The following SLC24A4 variants were observed in gnomAD, a reference collection of about 807,000 sequenced individuals.
SLC24A4 encodes sodium/potassium/calcium exchanger 4.
Under a neutral mutation model 79.0 loss-of-function variants are expected in SLC24A4, and 53 were observed. The ratio of observed to expected loss-of-function variants is 0.67; its 90% CI spans 0.54 to 0.84. The LOEUF (loss-of-function observed/expected upper bound fraction) is 0.84, where lower values mean the gene tolerates loss of function less well. Ranked by LOEUF, SLC24A4 falls within the 40% of genes least tolerant of loss-of-function variation. SLC24A4 has a pLI of 0.00. For missense variants in SLC24A4, 731 were observed against 822.0 expected, an observed-to-expected ratio of 0.89 and a Z score of 1.35; for synonymous variants, 323 against 323.8, an observed-to-expected ratio of 1.00 and a Z score of 0.03.
At chr14:92,483,385 C>T (rs941946292) in intron 13 of SLC24A4, among the ~76,000 whole-genome samples, 8 of 152,164 alleles carry the variant, frequency 5.3e-5, no homozygotes, top group Non-Finnish European at 1.0e-4. Flanking sequence ...TGGGGGAAAT[C>T]GAGGCATAGA....
Position 92,456,618 on chromosome 14 carries a change from G to A in SLC24A4, c.1255+10G>A, listed in dbSNP as rs753927626. 3 of 1,612,150 alleles carry A rather than the reference G, an allele frequency of 1.9e-6. No homozygotes were observed. The highest frequency in any genetic ancestry group is 2.5e-6 in the Non-Finnish European group (3 of 1,179,442). ...CCCTTCTCCGTGCCGGGTGAGTTCT[G>A]GGGGTACTGGACTCTCGGGCTACAT... On this transcript the variant is annotated intron_variant, in intron 12 of 16. Coordinates refer to ENST00000532405, the MANE Select transcript of SLC24A4 (RefSeq NM_153646.4).
intron 2 of SLC24A4, among the ~76,000 whole-genome samples, chr14:92,389,553 C>T (rs1044512776): frequency 3.9e-5 from 6 of 152,178 alleles, no homozygotes; most frequent in Non-Finnish European, 8.8e-5. Flanking sequence ...CTGAACCTCT[C>T]CCTGGGGCTT....
intron 12 of SLC24A4, among the ~76,000 whole-genome samples, chr14:92,473,267 C>G (rs1894534214): frequency 6.6e-6 from 1 of 152,184 alleles, no homozygotes; most frequent in Non-Finnish European, 1.5e-5. Flanking sequence ...TGCTAGGACT[C>G]AGAAATCTGT....
At chr14:92,456,022 T>C (rs12894551) in intron 11 of SLC24A4, among the ~76,000 whole-genome samples, 97,040 of 152,038 alleles carry the variant, frequency 0.64, 31,121 homozygotes, top group Middle Eastern at 0.68. Context: ...TTTTGTATAA[T>C]GTACCTAAAA....
At chr14:92,483,236 G>A (rs1331107619) in intron 13 of SLC24A4, among the ~76,000 whole-genome samples, 3 of 152,114 alleles carry the variant, frequency 2.0e-5, no homozygotes, top group Admixed American at 2.0e-4. Context: ...TGAACACAAG[G>A]CAGCTTGTTC....
chr14:92,326,542 G>T (rs1689396315), intron 2 of SLC24A4, among the ~76,000 whole-genome samples: 1 of 152,144 alleles, frequency 6.6e-6, no homozygotes, highest in Non-Finnish European at 1.5e-5. Context: ...TTTTCTTGGG[G>T]GTTTGAGGCA....
intron 13 of SLC24A4, chr14:92,484,773 G>A: frequency 1.0e-6 from 1 of 985,358 alleles, no homozygotes; most frequent in South Asian, 4.7e-5. Context: ...GCCCAAAACA[G>A]TTTGGTTAGA....
In SLC24A4 at chr14:92,329,787, G is replaced by A. The variant is rs111780270; in HGVS notation, c.241+3809G>A. 7.0e-3 allele frequency among the ~76,000 whole-genome samples: 1,073 copies of A among 152,342 alleles called. 12 individuals carry two copies. The highest frequency in any genetic ancestry group is 0.025 in the African/African-American group (1,025 of 41,578). ...CTCCCAAAGTGCCAGGATTACAGGC[G>A]TGGGCCACCGTGCCCTCCTCCCTAT... On this transcript the variant is annotated intron_variant, in intron 2 of 16. Transcript: ENST00000532405.
chr14:92,423,334 G>A (rs1293255135), intron 2 of SLC24A4, among the ~76,000 whole-genome samples: 5 of 151,316 alleles, frequency 3.3e-5, no homozygotes, highest in African/African-American at 7.3e-5. Context: ...TAGTAGAGAC[G>A]GGGTTTTGCC....
chr14:92,335,336 TTTTTTGTTTTTG>T (rs57448091), intron 2 of SLC24A4, among the ~76,000 whole-genome samples: 61 of 151,262 alleles, frequency 4.0e-4, no homozygotes, highest in Middle Eastern at 6.8e-3. Context: ...CATGCCATGT[TTTTTTGTTTTTG>T]TTTTTGTTTT....
Position 92,353,352 on chromosome 14 carries a change from T to C in SLC24A4, c.241+27374T>C, listed in dbSNP as rs79213352. 0.13 allele frequency among the ~76,000 whole-genome samples: 19,405 copies of C among 152,268 alleles called. 1,307 individuals carry two copies. The highest frequency in any genetic ancestry group is 0.15 in the Admixed American group (2,246 of 15,294). ...ATCTATTTAACTCATTCCCTAATGA[T>C]GTATATGCATTTAGTTTATTGTTGT... On this transcript the variant is annotated intron_variant, in intron 2 of 16. Transcript: ENST00000532405. This position sits in a 1 kb window ranked among gnomAD's most constrained non-coding sequence, Gnocchi z 4.1.
At chr14:92,461,076 A>G (rs1343927326) in intron 12 of SLC24A4, among the ~76,000 whole-genome samples, 2 of 152,208 alleles carry the variant, frequency 1.3e-5, no homozygotes, top group Non-Finnish European at 2.9e-5. Context: ...ACGGTCGGCA[A>G]TGACCCTGAG....
chr14:92,483,750 T>C, intron 13 of SLC24A4: 1 of 1,290,028 alleles, frequency 7.8e-7, no homozygotes, highest in Non-Finnish European at 1.0e-6. Context: ...GGGAAGCAGT[T>C]CCAGCATGGC....
chr14:92,492,225 C>G lies in SLC24A4; in HGVS notation c.1701C>G (p.Gly567=). 2.5e-6 allele frequency: 4 copies of G among 1,614,102 alleles called. No homozygotes were observed. Among genetic ancestry groups the G allele is most frequent in the Non-Finnish European group, 3.4e-6 (4 of 1,179,988 alleles). ...TCTATTCCGTGGTCCTGTTGCTGGGCTCTGTCGCTCTCACCGTGAGTCTTT... is the reference window on the plus strand; with the variant it reads ...TCTATTCCGTGGTCCTGTTGCTGGGGTCTGTCGCTCTCACCGTGAGTCTTT... The part of the protein sequence containing the change: ...GLVYSVVLLL[G]SVALTVLGIH... The change falls in exon 16 of 17, where the codon GGC becomes GGG. Residue 567 remains glycine (G), a synonymous_variant. Coordinates refer to ENST00000532405, the MANE Select transcript of SLC24A4 (RefSeq NM_153646.4).
chr14:92,373,313 G>T (rs1203411702), intron 2 of SLC24A4, among the ~76,000 whole-genome samples: 1 of 152,072 alleles, frequency 6.6e-6, no homozygotes, highest in Non-Finnish European at 1.5e-5. Flanking sequence ...CAAACTGCTG[G>T]GATTACAGGC....
intron 2 of SLC24A4, among the ~76,000 whole-genome samples, chr14:92,334,380 A>G (rs1885656067): frequency 6.6e-6 from 1 of 152,100 alleles, no homozygotes; most frequent in South Asian, 2.1e-4. Context: ...ATTACAAACA[A>G]AGGCTGAGGA....
intron 12 of SLC24A4, among the ~76,000 whole-genome samples, chr14:92,468,897 T>C (rs1894270215): frequency 4.1e-5 from 1 of 24,552 alleles, no homozygotes; most frequent in African/African-American, 2.1e-4. Context: ...TGTATCTGTG[T>C]GTGTGTGTGT....
In SLC24A4 at chr14:92,499,842, CTT is replaced by C. The variant is rs57018621; in HGVS notation, c.*6228_*6229del. The C allele has an allele frequency of 4.0e-4, 43 of 107,630 alleles. 1 individual carries two copies. The highest frequency in any genetic ancestry group is 4.8e-4 in the Admixed American group (5 of 10,366). The allele number at this position is 107,630 out of a possible 1,614,324, so 6.7% of individuals were successfully genotyped here. ...CCCAAGCAGTTGCTTCTTTTTTTCT[CTT>C]TTTTTTTTTTTTTGAGATGGAGCCT... is the stretch of plus-strand genomic sequence containing the variant. On this transcript the variant is annotated 3_prime_UTR_variant, in exon 17 of 17. Coordinates refer to ENST00000532405, the MANE Select transcript of SLC24A4 (RefSeq NM_153646.4).
At position 92,498,782 on chromosome 14, in the gene SLC24A4, G is replaced by A. The variant is rs1896028219; in HGVS notation, c.*5154G>A. The A allele has an allele frequency of 2.0e-5, 3 of 152,280 alleles. No individual in the cohort carries two copies. The highest frequency in any genetic ancestry group is 4.1e-4 in the South Asian group (2 of 4,834). The allele number at this position is 152,280 out of a possible 1,614,324, so 9.4% of individuals were successfully genotyped here. A position where few individuals can be genotyped will look rare whatever the true frequency, so the allele number is the denominator to read the frequency against. On this transcript the variant is annotated 3_prime_UTR_variant, in exon 17 of 17. Transcript: ENST00000532405. ...CAGAGTGCTGAGATTACAGGCGTGAGCCACCGCACCTGGCCAAAAAAAGGC... is the reference window on the plus strand; with the variant it reads ...CAGAGTGCTGAGATTACAGGCGTGAACCACCGCACCTGGCCAAAAAAAGGC...
Sources: allele counts gnomAD v4.1 joint callset (sites outside exome capture counted in the v4.1 genomes callset), GRCh38; gene constraint gnomAD v4.1.1; non-coding constraint Gnocchi (gnomAD v3.1); transcripts MANE v1.5; gene names NCBI Gene and HGNC (gene_info 2026-07-23, HGNC 2026-07-21).